Variants in PPP3CC observed in about 807,000 individuals in gnomAD.
PPP3CC encodes the protein protein phosphatase 3 catalytic subunit gamma.
PPP3CC carries 35 observed loss-of-function variants against 60.3 expected under a neutral mutation model. The observed-to-expected ratio is 0.58, with a 90% CI of 0.44 to 0.77. The LOEUF (loss-of-function observed/expected upper bound fraction) is 0.77, where lower values mean the gene tolerates loss of function less well. Among genes scored for constraint, PPP3CC ranks in the 30% least tolerant of loss-of-function variants. The pLI is 0.00. For synonymous variants in PPP3CC, 206 were observed against 224.3 expected (o/e 0.92, Z 0.73); for missense variants, 570 against 628.9 (o/e 0.91, Z 1.00).
chr8:22,442,515 TC>T (rs1364947447), intron 1 of PPP3CC, among the ~76,000 whole-genome samples: 1 of 152,142 alleles, frequency 6.6e-6, no homozygotes, highest in East Asian at 1.9e-4. Flanking sequence ...AACTTAGGTT[TC>T]CCCCCTCTCT....
At chr8:22,491,666 C>T (rs1440040020) in intron 3 of PPP3CC, among the ~76,000 whole-genome samples, 1 of 152,088 alleles carries the variant, frequency 6.6e-6, no homozygotes, top group Non-Finnish European at 1.5e-5. Flanking sequence ...TAAGAATTCT[C>T]TTTAACCCTA....
rs1200411153 is a variant in PPP3CC at position 22,475,136 on chromosome 8, G to C, written c.232G>C (p.Asp78His). 6 of 1,611,092 alleles carry C rather than the reference G, an allele frequency of 3.7e-6. No homozygotes were observed. The South Asian group carries it at 6.6e-5, about 18-fold the overall frequency. ...LRQEKTMIEV[D>H]APITVCGDIH... ...GCAAGAGAAGACTATGATAGAAGTAGATGCTCCAATCACAGGTATAAAAAG... is the reference window on the plus strand; with the variant it reads ...GCAAGAGAAGACTATGATAGAAGTACATGCTCCAATCACAGGTATAAAAAG... Residue 78 changes from aspartate to histidine, a missense_variant, in exon 2 of 14, where the codon GAT (aspartate) becomes CAT (histidine). Asp to His is a moderately conservative substitution (Grantham distance 81). Coordinates refer to ENST00000240139, the MANE Select transcript of PPP3CC (RefSeq NM_005605.5).
chr8:22,462,475 A>G (rs1243925331), intron 1 of PPP3CC, among the ~76,000 whole-genome samples: 1 of 152,232 alleles, frequency 6.6e-6, no homozygotes. Context: ...TCAAGATTTC[A>G]AACTGTCGTT....
intron 1 of PPP3CC, among the ~76,000 whole-genome samples, chr8:22,450,598 CTA>C (rs1263789347): frequency 2.0e-5 from 3 of 152,162 alleles, no homozygotes; most frequent in East Asian, 1.9e-4. Flanking sequence ...CTTGCTGAGA[CTA>C]TGTAGTCTGT....
intron 4 of PPP3CC, among the ~76,000 whole-genome samples, chr8:22,501,216 A>G (rs1838752769): frequency 6.6e-6 from 1 of 152,218 alleles, no homozygotes; most frequent in Admixed American, 6.5e-5. Flanking sequence ...ATTTTGTAAT[A>G]TATTTATAAA....
At chr8:22,472,077 C>T (rs759913076) in intron 1 of PPP3CC, among the ~76,000 whole-genome samples, 3 of 151,980 alleles carry the variant, frequency 2.0e-5, no homozygotes, top group Non-Finnish European at 4.4e-5. Context: ...TGCAGTGAGC[C>T]ATGGTAGTGC....
intron 2 of PPP3CC, 130 bp downstream of exon 2, chr8:22,475,281 T>G: frequency 1.0e-6 from 1 of 1,000,276 alleles, no homozygotes; most frequent in Non-Finnish European, 1.5e-6. Context: ...CAGTCAGGAT[T>G]GGTTAGGATA....
rs2117120620 is a variant in PPP3CC, at chr8:22,522,640, T to C, written c.849-15T>C. ...ATTTAATATGCAGACAGATGGACTT[T>C]CATCTCTTTTTCAGGTATCGAATGT... On this transcript the variant is annotated splice_polypyrimidine_tract_variant and intron_variant, in intron 7 of 13. Coordinates refer to ENST00000240139, the MANE Select transcript of PPP3CC (RefSeq NM_005605.5). 1 of 1,593,878 alleles carries C rather than the reference T, an allele frequency of 6.3e-7. No individual in the cohort carries two copies. Among genetic ancestry groups the C allele is most frequent in the Non-Finnish European group, 8.6e-7 (1 of 1,164,094 alleles).
chr8:22,510,968 C>T (rs1482558200), intron 4 of PPP3CC, 118 bp from the exon 5 acceptor site: 10 of 1,115,818 alleles, frequency 9.0e-6, no homozygotes, highest in Non-Finnish European at 1.3e-5. Flanking sequence ...GATAATTGTG[C>T]TTTCAAATCA....
intron 4 of PPP3CC, among the ~76,000 whole-genome samples, chr8:22,509,207 C>G (rs1437388049): frequency 6.6e-6 from 1 of 152,168 alleles, no homozygotes; most frequent in African/African-American, 2.4e-5. Flanking sequence ...TGCAGTCTGG[C>G]CCAAATCTGG....
intron 1 of PPP3CC, among the ~76,000 whole-genome samples, chr8:22,458,593 G>T (rs192368149): frequency 6.7e-6 from 1 of 149,892 alleles, no homozygotes; most frequent in South Asian, 2.1e-4. Context: ...GCGAGACACC[G>T]TCTCAAAAAA....
intron 1 of PPP3CC, among the ~76,000 whole-genome samples, chr8:22,447,764 C>T (rs1183026244): frequency 6.6e-6 from 1 of 152,102 alleles, no homozygotes; most frequent in Non-Finnish European, 1.5e-5. Flanking sequence ...ACTTTTAGTT[C>T]CCCATATTCA....
intron 8 of PPP3CC, among the ~76,000 whole-genome samples, chr8:22,526,120 G>A (rs1209543900): frequency 6.6e-6 from 1 of 152,012 alleles, no homozygotes; most frequent in Non-Finnish European, 1.5e-5. Flanking sequence ...TGCCCACCTC[G>A]GCCTCCCAAA....
At position 22,475,169 on chromosome 8, in the gene PPP3CC, A is replaced by G. The variant is rs372948151; in HGVS notation, c.247+18A>G. ...AATCACAGGTATAAAAAGTCTTTGC[A>G]TGATACTTTTTTACAGTATAGATTT... On this transcript the variant is annotated intron_variant, in intron 2 of 13. Coordinates refer to ENST00000240139, the MANE Select transcript of PPP3CC (RefSeq NM_005605.5). The G allele has an allele frequency of 5.0e-6, 8 of 1,592,502 alleles. No homozygotes were observed. The African/African-American group carries it at 6.7e-5, about 13-fold the overall frequency.
intron 6 of PPP3CC, among the ~76,000 whole-genome samples, chr8:22,519,841 A>G (rs1285812356): frequency 1.3e-5 from 2 of 152,112 alleles, no homozygotes; most frequent in African/African-American, 4.8e-5. Context: ...TTTTTAGTAG[A>G]GATGGGGTTT....
chr8:22,466,988 T>C (rs1453895398), intron 1 of PPP3CC, among the ~76,000 whole-genome samples: 2 of 152,238 alleles, frequency 1.3e-5, no homozygotes, highest in South Asian at 4.1e-4. Context: ...TCAAGCAGTC[T>C]CCCCAACTTG....
chr8:22,482,705 C>G (rs182109059), intron 3 of PPP3CC, among the ~76,000 whole-genome samples: 1 of 152,234 alleles, frequency 6.6e-6, no homozygotes, highest in Admixed American at 6.5e-5. Flanking sequence ...ATTGTTTCTT[C>G]TTATGTGATG....
chr8:22,486,052 C>T (rs1192084988), intron 3 of PPP3CC, among the ~76,000 whole-genome samples: 2 of 151,686 alleles, frequency 1.3e-5, no homozygotes, highest in Admixed American at 6.6e-5. Flanking sequence ...GAGTGCTTCC[C>T]CCCCGCCCTC....
At chr8:22,531,981 G>A (rs888185597) in intron 10 of PPP3CC, among the ~76,000 whole-genome samples, 1 of 152,160 alleles carries the variant, frequency 6.6e-6, no homozygotes, top group Admixed American at 6.5e-5. Flanking sequence ...ACCTCTCATA[G>A]ATCCACCCAG....
Sources: gnomAD v4.1 joint callset for allele counts (sites outside exome capture counted in the v4.1 genomes callset) on GRCh38, gnomAD v4.1.1 for gene constraint, MANE v1.5 for transcripts, NCBI Gene and HGNC (gene_info 2026-07-23, HGNC 2026-07-21) for gene names.